GKAP1: variants seen among roughly 807,000 people sequenced by gnomAD.
The protein encoded by GKAP1 is G kinase-anchoring protein 1.
Under a neutral mutation model 56.7 loss-of-function variants are expected in GKAP1, and 31 were observed. The ratio of observed to expected loss-of-function variants is 0.55; its 90% CI spans 0.41 to 0.74. GKAP1 has a LOEUF of 0.74. GKAP1 is among the 30% of genes least tolerant of loss of function. GKAP1 has a pLI of 0.00. For missense variants in GKAP1, 364 were observed against 402.3 expected, an observed-to-expected ratio of 0.90 and a Z score of 0.82; for synonymous variants, 151 against 138.6, an observed-to-expected ratio of 1.09 and a Z score of -0.63.
chr9:83,776,447 C>A (rs1032656096), intron 7 of GKAP1, among the ~76,000 whole-genome samples: 3 of 152,098 alleles, frequency 2.0e-5, no homozygotes, highest in African/African-American at 7.2e-5. Context: ...CACCTCTAAT[C>A]CCACTTTGGG....
At chr9:83,802,468 G>T (rs911628798) in intron 3 of GKAP1, among the ~76,000 whole-genome samples, 1 of 141,960 alleles carries the variant, frequency 7.0e-6, no homozygotes, top group African/African-American at 2.7e-5. Context: ...GGCAACAGAG[G>T]AAGACTCCAT....
At chr9:83,816,557 T>A (rs555432306) in intron 2 of GKAP1, among the ~76,000 whole-genome samples, 23 of 152,360 alleles carry the variant, frequency 1.5e-4, no homozygotes, top group African/African-American at 5.3e-4. Flanking sequence ...TCTATGAAGA[T>A]TTTTAATATT....
chr9:83,744,599 T>C (rs1207940998), intron 10 of GKAP1, among the ~76,000 whole-genome samples: 1 of 152,240 alleles, frequency 6.6e-6, no homozygotes, highest in East Asian at 1.9e-4. Flanking sequence ...TTTTTATTAG[T>C]TTCCCATCTT....
At chr9:83,799,414 TA>T in intron 3 of GKAP1, 86 bp from the exon 4 acceptor site, 1 of 967,830 alleles carries the variant, frequency 1.0e-6, no homozygotes, top group South Asian at 1.5e-5. Context: ...AAACCAATGA[TA>T]TTTTTATACT....
At chr9:83,811,380 C>G (rs1944503691) in intron 2 of GKAP1, among the ~76,000 whole-genome samples, 1 of 152,142 alleles carries the variant, frequency 6.6e-6, no homozygotes, top group South Asian at 2.1e-4. Context: ...AAGGAAAATA[C>G]CTATCTACCA....
chr9:83,799,391 T>C (rs1268968663), intron 3 of GKAP1, 63 bp from the exon 4 acceptor site: 9 of 1,200,364 alleles, frequency 7.5e-6, no homozygotes, highest in Non-Finnish European at 9.4e-6. Flanking sequence ...TAATGATTTT[T>C]TTAATTAAAA....
At chr9:83,805,836 G>A (rs377068485) in intron 3 of GKAP1, among the ~76,000 whole-genome samples, 1 of 152,192 alleles carries the variant, frequency 6.6e-6, no homozygotes, top group Non-Finnish European at 1.5e-5. Flanking sequence ...AAATGTTCAG[G>A]CAGGGTGTGG....
At chr9:83,740,169 G>C (rs1404395511) in intron 12 of GKAP1, among the ~76,000 whole-genome samples, 3 of 151,990 alleles carry the variant, frequency 2.0e-5, no homozygotes, top group Non-Finnish European at 4.4e-5. Context: ...GTTGCGTTTT[G>C]CTCACATTAG....
intron 9 of GKAP1, among the ~76,000 whole-genome samples, chr9:83,752,841 T>C (rs2131241417): frequency 6.6e-6 from 1 of 151,958 alleles, no homozygotes; most frequent in East Asian, 1.9e-4. Flanking sequence ...GAGGCTGGGG[T>C]GGGCGGATCT....
Position 83,809,524 on chromosome 9 carries a change from C to T in GKAP1, c.-43-2964G>A, listed in dbSNP as rs570936668. 2.7e-4 allele frequency among the ~76,000 whole-genome samples: 41 copies of T among 152,338 alleles called. 1 individual carries two copies. In the South Asian group the frequency reaches 7.7e-3, roughly 28 times the overall value. On this transcript the variant is annotated intron_variant, in intron 2 of 12. Transcript: ENST00000376371. ...TGTGAAACTGTTGGAAGATTATGTT[C>T]AAGGTGCCTAAACAGCAAGGCACAC...
chr9:83,754,343 A>G (rs1195572991), intron 8 of GKAP1, among the ~76,000 whole-genome samples: 1 of 152,220 alleles, frequency 6.6e-6, no homozygotes, highest in Non-Finnish European at 1.5e-5. Flanking sequence ...CATACCTTTG[A>G]TGAGAATATA....
intron 3 of GKAP1, among the ~76,000 whole-genome samples, chr9:83,803,750 C>T (rs1177350368): frequency 6.7e-6 from 1 of 149,462 alleles, no homozygotes; most frequent in Non-Finnish European, 1.5e-5. Flanking sequence ...TGCCTGGCTG[C>T]CCAGTCTGGA....
At chr9:83,814,043 G>A (rs1944548203) in intron 2 of GKAP1, among the ~76,000 whole-genome samples, 4 of 151,900 alleles carry the variant, frequency 2.6e-5, no homozygotes, top group South Asian at 4.1e-4. Context: ...AGGCTGTAGT[G>A]AGCAGTGATT....
intron 8 of GKAP1, among the ~76,000 whole-genome samples, chr9:83,762,684 C>T (rs944814283): frequency 6.6e-6 from 1 of 152,154 alleles, no homozygotes; most frequent in East Asian, 1.9e-4. Flanking sequence ...TAACAAGGTA[C>T]TGGCATAAAC....
Position 83,784,829 on chromosome 9 carries a change from C to A in GKAP1, c.448G>T (p.Asp150Tyr). The A allele has an allele frequency of 1.9e-6, 3 of 1,568,344 alleles. No individual in the cohort carries two copies. Among genetic ancestry groups the A allele is most frequent in the Non-Finnish European group, 2.6e-6 (3 of 1,156,372 alleles). The change falls in exon 6 of 13, where the codon GAT becomes TAT. Residue 150 changes from aspartate to tyrosine, a missense_variant. By Grantham distance (160) the Asp-to-Tyr change is radical. Coordinates refer to ENST00000376371, the MANE Select transcript of GKAP1 (RefSeq NM_025211.4). ...GACTGAGTTGAAGTATTTTCAGCAT[C>A]TTCATACTCCTAAAAAGAATTACCA... ...EYEEHKKEYE[D>Y]AENTSTQSKV...
chr9:83,745,136 T>A (rs1943270786), intron 10 of GKAP1, among the ~76,000 whole-genome samples: 1 of 151,992 alleles, frequency 6.6e-6, no homozygotes, highest in African/African-American at 2.4e-5. Flanking sequence ...GCTCATGCAA[T>A]CCTCCCACCT....
chr9:83,741,579 A>G (rs574046423), intron 12 of GKAP1, among the ~76,000 whole-genome samples: 8 of 152,250 alleles, frequency 5.3e-5, no homozygotes, highest in Admixed American at 5.2e-4. Context: ...ATCACCTCAC[A>G]TATTAATTAT....
At chr9:83,764,135 G>A (rs1313283279) in intron 8 of GKAP1, among the ~76,000 whole-genome samples, 1 of 152,144 alleles carries the variant, frequency 6.6e-6, no homozygotes, top group Non-Finnish European at 1.5e-5. Context: ...AAGTGAATAT[G>A]CTAACCATAA....
Position 83,783,711 on chromosome 9 carries a change from A to G in GKAP1, c.562+1004T>C, listed in dbSNP as rs73480181. Reference sequence around the variant, plus strand: ...GAGGCTGACCAACAATGGCTGAAATATGAAAATACTATTCCTGATCTACTG... The same window carrying G: ...GAGGCTGACCAACAATGGCTGAAATGTGAAAATACTATTCCTGATCTACTG... On this transcript the variant is annotated intron_variant, in intron 6 of 12. Coordinates refer to ENST00000376371, the MANE Select transcript of GKAP1 (RefSeq NM_025211.4). 9.8e-3 allele frequency among the ~76,000 whole-genome samples: 1,495 copies of G among 152,362 alleles called. 20 individuals are homozygous for G. Among genetic ancestry groups the G allele is most frequent in the African/African-American group, 0.034 (1,421 of 41,586 alleles).
Sources: allele counts gnomAD v4.1 joint callset (sites outside exome capture counted in the v4.1 genomes callset), GRCh38; gene constraint gnomAD v4.1.1; transcripts MANE v1.5; gene names NCBI Gene and HGNC (gene_info 2026-07-23, HGNC 2026-07-21).